The following CALY variants were observed in gnomAD, a reference collection of about 807,000 sequenced individuals.
The protein encoded by CALY is neuron-specific vesicular protein calcyon.
In CALY, 15 loss-of-function variants were observed where a neutral mutation model predicts 20.2. The observed-to-expected ratio is 0.74, with a 90% CI of 0.50 to 1.14. The LOEUF (loss-of-function observed/expected upper bound fraction) is 1.14. Among genes scored for constraint, CALY ranks in the 50% most tolerant of loss-of-function variants. The probability of loss-of-function intolerance (pLI) is 0.00; values close to 1 mark genes in which losing one functional copy is unlikely to be tolerated. For synonymous variants in CALY, 129 were observed against 131.8 expected (o/e 0.98, Z 0.15); for missense variants, 270 against 304.4 (o/e 0.89, Z 0.84).
Position 133,333,481 on chromosome 10 carries a change from G to C in CALY, c.-21+3353C>G, listed in dbSNP as rs1240686907. 4.0e-5 allele frequency among the ~76,000 whole-genome samples: 6 copies of C among 148,772 alleles called. No homozygotes were observed. The East Asian group carries it at 1.2e-3, about 30-fold the overall frequency. On this transcript the variant is annotated intron_variant, in intron 1 of 5. Transcript: ENST00000252939. Reference sequence around the variant, plus strand: ...ATCCGAAGGGGTAAGGATATGACGCGGGGGGAAGGATCCGACGCAGGGGGA... The same window carrying C: ...ATCCGAAGGGGTAAGGATATGACGCCGGGGGAAGGATCCGACGCAGGGGGA...
Position 133,324,893 on chromosome 10 carries a change from C to T in CALY, c.*702G>A, listed in dbSNP as rs72864799. 2.1e-3 allele frequency: 574 copies of T among 268,796 alleles called. 1 individual carries two copies. Among genetic ancestry groups the T allele is most frequent in the Non-Finnish European group, 3.2e-3 (439 of 136,094 alleles). 16.7% of individuals were successfully genotyped at this position (268,796 alleles called of 1,614,324 possible). A position where few individuals can be genotyped will look rare whatever the true frequency, so the allele number is the denominator to read the frequency against. On this transcript the variant is annotated 3_prime_UTR_variant, in exon 6 of 6. Transcript: ENST00000252939. ...CACGGGAGACCCCAGCCCCCAGGAACCAGAGCTCACCCCTCATCAGGCCCC... is the reference window on the plus strand; with the variant it reads ...CACGGGAGACCCCAGCCCCCAGGAATCAGAGCTCACCCCTCATCAGGCCCC...
intron 1 of CALY, among the ~76,000 whole-genome samples, chr10:133,336,006 C>A (rs1205996029): frequency 6.6e-6 from 1 of 152,126 alleles, no homozygotes; most frequent in Non-Finnish European, 1.5e-5. Context: ...CATGCGCCCC[C>A]CCCAACCATG....
At chr10:133,333,355 A>C (rs1328419039) in intron 1 of CALY, among the ~76,000 whole-genome samples, 1 of 11,256 alleles carries the variant, frequency 8.9e-5, no homozygotes, top group African/African-American at 3.2e-4. Flanking sequence ...ACGGGGAAGG[A>C]TTGCGCGGGT....
In CALY at chr10:133,325,803, G is replaced by A. The variant is rs1005894459; in HGVS notation, c.*24C>T. The A allele has an allele frequency of 1.7e-6, 2 of 1,182,906 alleles. No homozygotes were observed. Among genetic ancestry groups the A allele is most frequent in the Admixed American group, 4.4e-5 (1 of 22,566 alleles). The allele number at this position is 1,182,906 out of a possible 1,614,324, so 73.3% of individuals were successfully genotyped here. A position where few individuals can be genotyped will look rare whatever the true frequency, so the allele number is the denominator to read the frequency against. ...AGCCCCGCGGCGCGCACCTACCCCG[G>A]GCCGGGCTGCGGGGCTGGAGACGTC... On this transcript the variant is annotated 3_prime_UTR_variant, in exon 5 of 6. Transcript: ENST00000252939.
intron 2 of CALY, 92 bp from the exon 3 acceptor site, chr10:133,328,107 C>G (rs190439241): frequency 1.3e-6 from 1 of 785,344 alleles, no homozygotes; most frequent in African/African-American, 1.7e-5. Flanking sequence ...GCGTCAGCTT[C>G]GTGGCAGTGG....
At chr10:133,328,807 T>C (rs917041117) in intron 2 of CALY, 48 bp downstream of exon 2, 2 of 1,508,552 alleles carry the variant, frequency 1.3e-6, no homozygotes, top group African/African-American at 2.8e-5. Context: ...CACCCCTTTG[T>C]TCCCAGGGGA....
Position 133,324,135 on chromosome 10 carries a change from T to C in CALY, c.*1460A>G, listed in dbSNP as rs1304369552. On this transcript the variant is annotated 3_prime_UTR_variant, in exon 6 of 6. Coordinates refer to ENST00000252939, the MANE Select transcript of CALY (RefSeq NM_015722.4). The stretch of plus-strand genomic sequence containing the variant: ...TGCAGAGACTCCCTGCCCCCATATA[T>C]CCCAGCTGACGCCCCAGGCCCCGGG... 1 of 317,254 alleles carries C rather than the reference T, an allele frequency of 3.2e-6. No homozygotes were observed. Among genetic ancestry groups the C allele is most frequent in the Non-Finnish European group, 6.3e-6 (1 of 159,392 alleles). The allele number at this position is 317,254 out of a possible 1,614,324, so 19.7% of individuals were successfully genotyped here. A position where few individuals can be genotyped will look rare whatever the true frequency, so the allele number is the denominator to read the frequency against.
chr10:133,328,864 G>C lies in CALY; in HGVS notation c.126C>G (p.Leu42=), dbSNP rs757620477. ...PLDISQLQPP[L]PDQVVIKTQT... is the part of the protein sequence containing the mutation. ...TGGCCCAGGCCCTCACCTGGTCAGG[G>C]AGTGGCGGCTGGAGCTGGCTGATGT... Residue 42 remains leucine (L), a synonymous_variant, in exon 2 of 6, where the codon CTC becomes CTG. Transcript: ENST00000252939. 5 of 1,545,590 alleles carry C rather than the reference G, an allele frequency of 3.2e-6. No individual in the cohort carries two copies. Among genetic ancestry groups the C allele is most frequent in the Non-Finnish European group, 3.5e-6 (4 of 1,145,742 alleles).
intron 1 of CALY, among the ~76,000 whole-genome samples, chr10:133,335,226 C>T (rs1848418145): frequency 6.6e-6 from 1 of 151,950 alleles, no homozygotes; most frequent in Admixed American, 6.5e-5. Context: ...CTCCCCGGAG[C>T]GGACGCCCAG....
chr10:133,332,835 T>C lies in CALY; in HGVS notation c.-20-3826A>G, dbSNP rs546939904. Among the ~76,000 whole-genome samples, 7 of 151,978 alleles carry C rather than the reference T, an allele frequency of 4.6e-5. No homozygotes were observed. In the East Asian group the frequency reaches 1.2e-3, roughly 25 times the overall value. On this transcript the variant is annotated intron_variant, in intron 1 of 5. Coordinates refer to ENST00000252939, the MANE Select transcript of CALY (RefSeq NM_015722.4). Reference sequence around the variant, plus strand: ...GTGTTATGTGTAGACGGAGCAGAGATTGGAACGATGCAGCTGAAACCCAAG... The same window carrying C: ...GTGTTATGTGTAGACGGAGCAGAGACTGGAACGATGCAGCTGAAACCCAAG...
At position 133,328,614 on chromosome 10, in the gene CALY, G is replaced by C. The variant is rs115501977; in HGVS notation, c.135+241C>G. Among the ~76,000 whole-genome samples the C allele has an allele frequency of 3.8e-3, 574 of 152,364 alleles. 5 individuals carry two copies. The highest frequency in any genetic ancestry group is 0.013 in the African/African-American group (553 of 41,590). On this transcript the variant is annotated intron_variant, in intron 2 of 5. Transcript: ENST00000252939. ...CAGCACGTGGGCGGGGTGCTGTCTA[G>C]GAGTCAGTGCGTGAATTCTCGGTTA...
chr10:133,326,728 A>G, intron 4 of CALY, 150 bp downstream of exon 4: 1 of 606,024 alleles, frequency 1.7e-6, no homozygotes, highest in East Asian at 2.8e-5. Flanking sequence ...TTTTCAAAAG[A>G]TACGATCTCA....
intron 1 of CALY, among the ~76,000 whole-genome samples, chr10:133,333,698 GAAA>G (rs1848363473): frequency 7.7e-6 from 1 of 129,040 alleles, no homozygotes; most frequent in East Asian, 2.3e-4. Context: ...GAGGGGGAAA[GAAA>G]GATCTGAGAG....
chr10:133,333,470 G>C (rs960833280), intron 1 of CALY, among the ~76,000 whole-genome samples: 1 of 148,866 alleles, frequency 6.7e-6, no homozygotes, highest in African/African-American at 2.5e-5. Context: ...GAAGGGGTAA[G>C]GATATGACGC....
Position 133,324,925 on chromosome 10 carries a change from C to G in CALY, c.*670G>C. On this transcript the variant is annotated 3_prime_UTR_variant, in exon 6 of 6. Transcript: ENST00000252939. The stretch of plus-strand genomic sequence containing the variant: ...TCACCCCTCATCAGGCCCCACTCCC[C>G]ACTCAGACGCCCCCATTCACTCCTT... The G allele has an allele frequency of 3.6e-5, 8 of 222,110 alleles. No individual in the cohort carries two copies. The highest frequency in any genetic ancestry group is 1.1e-4 in the Admixed American group (2 of 18,636). 13.8% of individuals were successfully genotyped at this position (222,110 alleles called of 1,614,324 possible). A position where few individuals can be genotyped will look rare whatever the true frequency, so the allele number is the denominator to read the frequency against.
chr10:133,328,990 G>T lies in CALY; in HGVS notation c.-1C>A. 6.4e-7 allele frequency: 1 copy of T among 1,560,930 alleles called. No individual in the cohort carries two copies. The highest frequency in any genetic ancestry group is 2.4e-5 in the East Asian group (1 of 42,422). On this transcript the variant is annotated 5_prime_UTR_variant, in exon 2 of 6. Coordinates refer to ENST00000252939, the MANE Select transcript of CALY (RefSeq NM_015722.4). ...AGAAGCTGCAGCCCAGCTTCACCAT[G>T]GTGGATGGCAGTCCTTGTCCTGTCC...
chr10:133,330,839 C>G (rs536314318), intron 1 of CALY, among the ~76,000 whole-genome samples: 74 of 151,734 alleles, frequency 4.9e-4, no homozygotes, highest in African/African-American at 1.8e-3. Flanking sequence ...GCCTCAGTCC[C>G]TAACCCAGCA....
intron 1 of CALY, among the ~76,000 whole-genome samples, chr10:133,330,893 C>T (rs1848295670): frequency 6.6e-6 from 1 of 152,044 alleles, no homozygotes; most frequent in South Asian, 2.1e-4. Context: ...CCCCGCCACA[C>T]GTACACACCA....
Position 133,327,892 on chromosome 10 carries a change from T to G in CALY, c.246+13A>C. 1 of 1,559,662 alleles carries G rather than the reference T, an allele frequency of 6.4e-7. No individual in the cohort carries two copies. Among genetic ancestry groups the G allele is most frequent in the Non-Finnish European group, 8.8e-7 (1 of 1,132,658 alleles). The stretch of plus-strand genomic sequence containing the variant: ...TCCTGAGTCCCCACAGTGGGTGGGG[T>G]GGGTGTGGTTACCCTGCGCCCTTCC... On this transcript the variant is annotated intron_variant, in intron 3 of 5. Transcript: ENST00000252939.
Sources: allele counts gnomAD v4.1 joint callset (sites outside exome capture counted in the v4.1 genomes callset), GRCh38; gene constraint gnomAD v4.1.1; transcripts MANE v1.5; gene names NCBI Gene and HGNC (gene_info 2026-07-23, HGNC 2026-07-21).